The following SNTG1 variants were observed in gnomAD, a reference collection of about 807,000 sequenced individuals.
SNTG1 encodes the protein syntrophin gamma 1, also known as gamma-1-syntrophin.
A neutral mutation model predicts 74.7 loss-of-function variants in SNTG1; 39 were observed. That is an observed-to-expected ratio of 0.52 (90% CI 0.40 to 0.68). The LOEUF (loss-of-function observed/expected upper bound fraction) is 0.68. Among genes scored for constraint, SNTG1 ranks in the 30% least tolerant of loss-of-function variants. The probability of loss-of-function intolerance (pLI) is 0.00; values close to 1 mark genes in which losing one functional copy is unlikely to be tolerated. For missense variants in SNTG1, 685 were observed against 609.5 expected (o/e 1.12, Z -1.30); for synonymous variants, 254 against 217.1 (o/e 1.17, Z -1.49).
At chr8:49,932,251 G>A (rs1807661696) in intron 1 of SNTG1, among the ~76,000 whole-genome samples, 1 of 152,094 alleles carries the variant, frequency 6.6e-6, no homozygotes, top group South Asian at 2.1e-4. Flanking sequence ...AAACACATTT[G>A]TTGAGTGAGT....
At chr8:49,961,053 T>A (rs1002498953) in intron 1 of SNTG1, among the ~76,000 whole-genome samples, 2 of 152,210 alleles carry the variant, frequency 1.3e-5, no homozygotes, top group African/African-American at 2.4e-5. Flanking sequence ...GAATCCTAGA[T>A]GCTGGCTTGG....
chr8:50,503,022 T>C (rs2093977079), intron 9 of SNTG1, 142 bp downstream of exon 9: 1 of 627,826 alleles, frequency 1.6e-6, no homozygotes, highest in Admixed American at 3.0e-5. Flanking sequence ...AGTGTTCTAC[T>C]AACCTTTATG....
At chr8:50,729,990 C>T (rs955696210) in intron 17 of SNTG1, among the ~76,000 whole-genome samples, 3 of 152,008 alleles carry the variant, frequency 2.0e-5, no homozygotes, top group African/African-American at 7.3e-5. Context: ...GGAGGGAGCA[C>T]CCCGTATTCA....
intron 9 of SNTG1, among the ~76,000 whole-genome samples, chr8:50,510,845 G>C (rs1236464214): frequency 6.6e-6 from 1 of 151,794 alleles, no homozygotes; most frequent in Non-Finnish European, 1.5e-5. Context: ...TATCAATTTT[G>C]TTGATATTTT....
At chr8:50,616,672 A>G (rs1393336219) in intron 13 of SNTG1, among the ~76,000 whole-genome samples, 2 of 152,172 alleles carry the variant, frequency 1.3e-5, no homozygotes, top group East Asian at 3.9e-4. Context: ...GCCAAAGCCA[A>G]TCAACAAGAT....
At chr8:50,211,138 G>C (rs1239566209) in intron 2 of SNTG1, among the ~76,000 whole-genome samples, 4 of 152,070 alleles carry the variant, frequency 2.6e-5, no homozygotes, top group Admixed American at 2.6e-4. Context: ...GTTGACTCTA[G>C]AGGCTGTGCA....
rs544775713 is a variant in SNTG1, at chr8:50,529,994, A to C, written c.467-183A>C. Among the ~76,000 whole-genome samples, 6 of 152,238 alleles carry C rather than the reference A, an allele frequency of 3.9e-5. No individual in the cohort carries two copies. In the South Asian group the frequency reaches 1.2e-3, roughly 32 times the overall value. Reference sequence around the variant, plus strand: ...TTTTTGTGAGTCTCTTTTAGTGCCCAGATACCTGTAGTCACTTGGCTTACT... The same window carrying C: ...TTTTTGTGAGTCTCTTTTAGTGCCCCGATACCTGTAGTCACTTGGCTTACT... On this transcript the variant is annotated intron_variant, in intron 9 of 18. Transcript: ENST00000642720.
intron 1 of SNTG1, among the ~76,000 whole-genome samples, chr8:50,115,567 C>CAAAAAAAAAA (rs11386539): frequency 4.9e-5 from 2 of 40,534 alleles, no homozygotes; most frequent in African/African-American, 1.3e-4. Context: ...GACTCTGTCT[C>CAAAAAAAAAA]AAAAAAAAAA....
chr8:50,250,479 AT>A (rs905852583), intron 2 of SNTG1, among the ~76,000 whole-genome samples: 1 of 152,162 alleles, frequency 6.6e-6, no homozygotes, highest in South Asian at 2.1e-4. Flanking sequence ...GTTTTCAATG[AT>A]TTTTAACCCA....
At chr8:50,244,608 T>C (rs1026625781) in intron 2 of SNTG1, among the ~76,000 whole-genome samples, 1 of 152,166 alleles carries the variant, frequency 6.6e-6, no homozygotes, top group African/African-American at 2.4e-5. Flanking sequence ...GGACTCTGGT[T>C]ACTTTAAATT....
chr8:49,969,772 C>T (rs998387241), intron 1 of SNTG1, among the ~76,000 whole-genome samples: 4 of 151,912 alleles, frequency 2.6e-5, no homozygotes, highest in Non-Finnish European at 5.9e-5. Flanking sequence ...AGAGAGATAC[C>T]CTCACTGTCA....
intron 8 of SNTG1, among the ~76,000 whole-genome samples, chr8:50,463,214 A>C (rs1168156675): frequency 2.0e-5 from 3 of 152,194 alleles, no homozygotes; most frequent in Non-Finnish European, 4.4e-5. Flanking sequence ...CATGGGGGTT[A>C]GAATCAACTT....
chr8:50,658,259 T>A (rs2095195991), intron 14 of SNTG1, among the ~76,000 whole-genome samples: 1 of 136,554 alleles, frequency 7.3e-6, no homozygotes, highest in African/African-American at 3.1e-5. Context: ...TAGTGGTAAA[T>A]TAAAAAAAAA....
intron 2 of SNTG1, among the ~76,000 whole-genome samples, chr8:50,192,004 C>G (rs944980793): frequency 1.3e-4 from 20 of 152,050 alleles, no homozygotes; most frequent in African/African-American, 4.8e-4. Flanking sequence ...CCAAATATCA[C>G]CATATTGTTT....
intron 12 of SNTG1, among the ~76,000 whole-genome samples, chr8:50,563,411 T>C (rs748951111): frequency 5.3e-4 from 80 of 152,260 alleles, no homozygotes; most frequent in Admixed American, 1.0e-3. Context: ...CTTAAATTCT[T>C]ACATGTTCCG....
At chr8:50,601,756 C>G (rs938320244) in intron 13 of SNTG1, among the ~76,000 whole-genome samples, 1 of 152,040 alleles carries the variant, frequency 6.6e-6, no homozygotes, top group African/African-American at 2.4e-5. Flanking sequence ...TGAGATCTGT[C>G]TCTCTTTTTT....
At chr8:50,203,379 T>A (rs2084066605) in intron 2 of SNTG1, among the ~76,000 whole-genome samples, 1 of 152,124 alleles carries the variant, frequency 6.6e-6, no homozygotes, top group Admixed American at 6.6e-5. Flanking sequence ...TGTTCACCTG[T>A]CTCTGCAGAT....
At chr8:50,038,158 G>A (rs1309559528) in intron 1 of SNTG1, among the ~76,000 whole-genome samples, 1 of 152,104 alleles carries the variant, frequency 6.6e-6, no homozygotes, top group Non-Finnish European at 1.5e-5. Context: ...CCCATAGGTG[G>A]TCTCCTTGCC....
At chr8:50,753,723 A>T (rs537667927) in intron 18 of SNTG1, among the ~76,000 whole-genome samples, 1 of 152,020 alleles carries the variant, frequency 6.6e-6, no homozygotes, top group East Asian at 1.9e-4. Flanking sequence ...TAATTCATTA[A>T]GAGATAGTGT....
Sources: allele counts gnomAD v4.1 joint callset (sites outside exome capture counted in the v4.1 genomes callset), GRCh38; gene constraint gnomAD v4.1.1; transcripts MANE v1.5; gene names NCBI Gene and HGNC (gene_info 2026-07-23, HGNC 2026-07-21).